The following ROBO1 variants were observed in gnomAD, a reference collection of about 807,000 sequenced individuals.
ROBO1 encodes the protein roundabout guidance receptor 1, also known as roundabout homolog 1.
ROBO1 carries 149 observed loss-of-function variants against 195.9 expected under a neutral mutation model. The ratio of observed to expected loss-of-function variants is 0.76; its 90% CI spans 0.67 to 0.87. The LOEUF is 0.87. Among genes scored for constraint, ROBO1 ranks in the 40% least tolerant of loss-of-function variants. The pLI is 0.00. For synonymous variants in ROBO1, 816 were observed against 733.2 expected, an observed-to-expected ratio of 1.11 and a Z score of -1.82; for missense variants, 1,933 against 2,068.3, an observed-to-expected ratio of 0.93 and a Z score of 1.27.
intron 2 of ROBO1, among the ~76,000 whole-genome samples, chr3:79,461,257 C>T (rs1453786643): frequency 6.6e-6 from 1 of 152,058 alleles, no homozygotes; most frequent in East Asian, 1.9e-4. Flanking sequence ...CCTGTTGCAT[C>T]TGGGCTTGCC....
At chr3:78,838,725 A>G (rs1248999937) in intron 4 of ROBO1, among the ~76,000 whole-genome samples, 2 of 152,194 alleles carry the variant, frequency 1.3e-5, no homozygotes, top group Non-Finnish European at 2.9e-5. Flanking sequence ...CAACAATGGG[A>G]TCAAAGTCCA....
chr3:79,669,727 T>C (rs1323037635), intron 1 of ROBO1, among the ~76,000 whole-genome samples: 1 of 151,796 alleles, frequency 6.6e-6, no homozygotes, highest in Non-Finnish European at 1.5e-5. Flanking sequence ...GTCACTATCA[T>C]ACCTAGGGAG....
At chr3:79,637,696 A>T (rs1945537002) in intron 1 of ROBO1, among the ~76,000 whole-genome samples, 1 of 152,240 alleles carries the variant, frequency 6.6e-6, no homozygotes, top group Non-Finnish European at 1.5e-5. Context: ...ATGGACTGTG[A>T]TCATGTGGAT....
At chr3:79,641,275 G>A (rs1945650976) in intron 1 of ROBO1, among the ~76,000 whole-genome samples, 2 of 151,950 alleles carry the variant, frequency 1.3e-5, no homozygotes, top group African/African-American at 2.4e-5. Flanking sequence ...TTTAATATCT[G>A]AGATATGGCT....
intron 1 of ROBO1, among the ~76,000 whole-genome samples, chr3:79,710,594 G>A (rs952841138): frequency 6.6e-6 from 1 of 152,164 alleles, no homozygotes; most frequent in Non-Finnish European, 1.5e-5. Context: ...TTATGACCCT[G>A]AAGGAAGGTT....
intron 10 of ROBO1, among the ~76,000 whole-genome samples, chr3:78,683,908 T>TA (rs144397138): frequency 0.027 from 4,032 of 147,872 alleles, 175 homozygotes; most frequent in African/African-American, 0.094. Flanking sequence ...ACACTAATCA[T>TA]AAAAAAAAAA....
At chr3:79,368,219 C>CTGTCATT (rs2109327632) in intron 2 of ROBO1, among the ~76,000 whole-genome samples, 1 of 152,272 alleles carries the variant, frequency 6.6e-6, no homozygotes, top group East Asian at 1.9e-4. Context: ...AGGCGTGAGC[C>CTGTCATT]ACTGCGTATG....
chr3:78,629,035 T>A (rs1446144885), intron 25 of ROBO1, among the ~76,000 whole-genome samples: 1 of 151,786 alleles, frequency 6.6e-6, no homozygotes, highest in Non-Finnish European at 1.5e-5. Context: ...AAAATATAAA[T>A]GACTAAGCAA....
At chr3:78,789,053 T>G (rs552177134) in intron 4 of ROBO1, among the ~76,000 whole-genome samples, 15 of 152,256 alleles carry the variant, frequency 9.9e-5, no homozygotes, top group Middle Eastern at 6.8e-3. Flanking sequence ...AGATCAGTAT[T>G]GTTATGCAAA....
intron 1 of ROBO1, among the ~76,000 whole-genome samples, chr3:79,664,676 A>T (rs1946424743): frequency 6.6e-6 from 1 of 151,992 alleles, no homozygotes; most frequent in Admixed American, 6.6e-5. Context: ...TGCAGTAGAG[A>T]AGGCACGATC....
At chr3:79,757,023 A>G (rs529691260) in intron 1 of ROBO1, among the ~76,000 whole-genome samples, 167 of 152,234 alleles carry the variant, frequency 1.1e-3, no homozygotes, top group African/African-American at 3.9e-3. Context: ...AAAAAATTTC[A>G]TTGTACATAA....
Position 79,713,789 on chromosome 3 carries a change from T to A in ROBO1, c.-51+53963A>T, listed in dbSNP as rs1036508623. Among the ~76,000 whole-genome samples, 108 of 152,160 alleles carry A rather than the reference T, an allele frequency of 7.1e-4. 1 individual carries two copies. Among genetic ancestry groups the A allele is most frequent in the African/African-American group, 2.5e-3 (104 of 41,452 alleles). On this transcript the variant is annotated intron_variant, in intron 1 of 30. Coordinates refer to ENST00000464233, the MANE Select transcript of ROBO1 (RefSeq NM_002941.4). ...TTTTGTATAAGACGTAAGGAATAAATCCAGTTTCAGCTTTCTACATATGGC... is the reference window on the plus strand; with the variant it reads ...TTTTGTATAAGACGTAAGGAATAAAACCAGTTTCAGCTTTCTACATATGGC...
intron 3 of ROBO1, among the ~76,000 whole-genome samples, chr3:79,000,583 C>T (rs138677329): frequency 0.024 from 3,587 of 152,274 alleles, 141 homozygotes; most frequent in African/African-American, 0.08. Flanking sequence ...GATACCATCT[C>T]ACACCAGTTA....
chr3:79,613,094 A>G (rs546540743), intron 1 of ROBO1, among the ~76,000 whole-genome samples: 1 of 148,756 alleles, frequency 6.7e-6, no homozygotes, highest in South Asian at 2.2e-4. Flanking sequence ...CTTGAGTAAC[A>G]TTAGAATTAG....
rs573038325 is a variant in ROBO1, at chr3:79,558,598, A to G, written c.88+31226T>C. On this transcript the variant is annotated intron_variant, in intron 2 of 30. Coordinates refer to ENST00000464233, the MANE Select transcript of ROBO1 (RefSeq NM_002941.4). ...TTTTTCCTCCATTTTTCATGGGTAAACTGTATTAGTTTTAAGTTAACTGGT... is the reference window on the plus strand; with the variant it reads ...TTTTTCCTCCATTTTTCATGGGTAAGCTGTATTAGTTTTAAGTTAACTGGT... Among the ~76,000 whole-genome samples, 3 of 152,050 alleles carry G rather than the reference A, an allele frequency of 2.0e-5. No homozygotes were observed. In the South Asian group the frequency reaches 6.2e-4, roughly 32 times the overall value.
At chr3:79,225,609 G>T (rs905140219) in intron 2 of ROBO1, among the ~76,000 whole-genome samples, 13 of 152,064 alleles carry the variant, frequency 8.5e-5, no homozygotes, top group African/African-American at 2.7e-4. Context: ...TCCATTTATT[G>T]TCTAGTACCA....
intron 1 of ROBO1, among the ~76,000 whole-genome samples, chr3:79,681,639 G>A (rs1367837558): frequency 1.3e-5 from 2 of 151,914 alleles, no homozygotes; most frequent in African/African-American, 2.4e-5. Flanking sequence ...TAGAGGGAAG[G>A]TTTGGGGAAC....
At chr3:79,110,271 A>T (rs1217757178) in intron 3 of ROBO1, among the ~76,000 whole-genome samples, 1 of 151,996 alleles carries the variant, frequency 6.6e-6, no homozygotes, top group Non-Finnish European at 1.5e-5. Flanking sequence ...ATAATACTAT[A>T]TAATATACAT....
At chr3:79,606,033 C>T (rs1243132086) in intron 1 of ROBO1, among the ~76,000 whole-genome samples, 5 of 128,356 alleles carry the variant, frequency 3.9e-5, no homozygotes, top group East Asian at 2.0e-4. Context: ...TACATGTACC[C>T]ACATATATAT....
Sources: allele counts gnomAD v4.1 joint callset (sites outside exome capture counted in the v4.1 genomes callset), GRCh38; gene constraint gnomAD v4.1.1; transcripts MANE v1.5; gene names NCBI Gene and HGNC (gene_info 2026-07-23, HGNC 2026-07-21).